AUH: variants seen among roughly 807,000 people sequenced by gnomAD.
The protein encoded by AUH is methylglutaconyl-CoA hydratase, mitochondrial.
In AUH, 29 loss-of-function variants were observed where a neutral mutation model predicts 42.3. That is an observed-to-expected ratio of 0.69 (90% CI 0.51 to 0.93). The LOEUF is 0.93. AUH is among the 40% of genes least tolerant of loss of function. AUH has a pLI of 0.00. For synonymous variants in AUH, 174 were observed against 166.4 expected (o/e 1.05, Z -0.35); for missense variants, 452 against 438.1 (o/e 1.03, Z -0.28).
intron 3 of AUH, among the ~76,000 whole-genome samples, chr9:91,350,750 T>C (rs1587918815): frequency 6.9e-6 from 1 of 144,524 alleles, no homozygotes; most frequent in East Asian, 2.3e-4. Flanking sequence ...CAGAACATGA[T>C]TTCATCTCAA....
At chr9:91,222,927 G>C (rs186414993) in intron 6 of AUH, among the ~76,000 whole-genome samples, 124 of 152,180 alleles carry the variant, frequency 8.1e-4, no homozygotes, top group Non-Finnish European at 1.5e-3. Context: ...TCCAAGTCCC[G>C]GAAGCTCAAA....
Position 91,294,471 on chromosome 9 carries a change from C to A in AUH, c.655+1550G>T, listed in dbSNP as rs574097127. On this transcript the variant is annotated intron_variant, in intron 6 of 9. Coordinates refer to ENST00000375731, the MANE Select transcript of AUH (RefSeq NM_001698.3). ...GCTGAGGCAGGAGAATCCCTTGAAC[C>A]GGGGAGGCAGGGGTTGCAGTGAGCC... is the stretch of plus-strand genomic sequence containing the variant. Among the ~76,000 whole-genome samples the A allele has an allele frequency of 2.0e-5, 3 of 152,186 alleles. No homozygotes were observed. In the South Asian group the frequency reaches 6.2e-4, roughly 32 times the overall value.
chr9:91,356,038 CAAT>C (rs1328114286), intron 2 of AUH, 47 bp downstream of exon 2: 1 of 1,591,480 alleles, frequency 6.3e-7, no homozygotes, highest in Non-Finnish European at 8.6e-7. Flanking sequence ...ACATTGATGA[CAAT>C]AATATATCTT....
intron 6 of AUH, among the ~76,000 whole-genome samples, chr9:91,226,966 A>G (rs1243851872): frequency 6.7e-6 from 1 of 149,270 alleles, no homozygotes; most frequent in Non-Finnish European, 1.5e-5. Context: ...CTTGTAGTAT[A>G]GTTTGAAGTC....
chr9:91,270,607 G>C (rs1019121258), intron 6 of AUH, among the ~76,000 whole-genome samples: 5 of 151,974 alleles, frequency 3.3e-5, no homozygotes, highest in Non-Finnish European at 7.4e-5. Flanking sequence ...CCCTTGTAGA[G>C]CAAAAAGGGA....
chr9:91,346,164 C>A (rs1191987256), intron 3 of AUH, among the ~76,000 whole-genome samples: 1 of 152,036 alleles, frequency 6.6e-6, no homozygotes, highest in Non-Finnish European at 1.5e-5. Context: ...TCTTAGAGGG[C>A]CCCTAGATAG....
chr9:91,306,081 A>T (rs1025890136), intron 4 of AUH, among the ~76,000 whole-genome samples: 6 of 152,212 alleles, frequency 3.9e-5, no homozygotes, highest in African/African-American at 1.4e-4. Flanking sequence ...GATGCAAAGC[A>T]CCAGTCAGCT....
At chr9:91,229,650 C>T (rs975621015) in intron 6 of AUH, among the ~76,000 whole-genome samples, 5 of 151,862 alleles carry the variant, frequency 3.3e-5, no homozygotes, top group African/African-American at 1.2e-4. Context: ...TTCCTAGTCT[C>T]GATGGTCTTT....
chr9:91,218,438 GA>G (rs1290831625), intron 7 of AUH: 3 of 194,436 alleles, frequency 1.5e-5, no homozygotes, highest in Admixed American at 6.5e-5. Flanking sequence ...AACTGACCAA[GA>G]AAAGGTGCTT....
chr9:91,215,845 T>A (rs947457694), intron 9 of AUH, among the ~76,000 whole-genome samples: 1 of 152,144 alleles, frequency 6.6e-6, no homozygotes, highest in Non-Finnish European at 1.5e-5. Flanking sequence ...CTCTAAGAGT[T>A]TTCTAGATTA....
intron 3 of AUH, among the ~76,000 whole-genome samples, chr9:91,355,514 G>A (rs999821107): frequency 1.7e-4 from 25 of 151,254 alleles, no homozygotes; most frequent in African/African-American, 5.1e-4. Context: ...CGAAGATCAC[G>A]CCACTGCAGC....
chr9:91,238,437 G>A (rs78521931), intron 6 of AUH, among the ~76,000 whole-genome samples: 3,895 of 152,274 alleles, frequency 0.026, 80 homozygotes, highest in East Asian at 0.059. Context: ...AGCTGGAGGA[G>A]GCTGGGAAAT....
intron 6 of AUH, among the ~76,000 whole-genome samples, chr9:91,255,780 G>T (rs936864228): frequency 6.6e-6 from 1 of 151,944 alleles, no homozygotes; most frequent in Non-Finnish European, 1.5e-5. Context: ...TGCTAACTTG[G>T]TACACAGCAA....
chr9:91,290,404 G>C lies in AUH; in HGVS notation c.655+5617C>G, dbSNP rs576357998. 8.5e-5 allele frequency among the ~76,000 whole-genome samples: 13 copies of C among 152,196 alleles called. No homozygotes were observed. The South Asian group carries it at 2.7e-3, about 32-fold the overall frequency. ...TCCTTTAGCCTGGGTGACCAAGCAA[G>C]ACCCTGTCTCCAAACAAAAAAAAGA... On this transcript the variant is annotated intron_variant, in intron 6 of 9. Coordinates refer to ENST00000375731, the MANE Select transcript of AUH (RefSeq NM_001698.3).
chr9:91,325,164 TTAAA>T (rs1271751925), intron 4 of AUH, among the ~76,000 whole-genome samples, 150 bp downstream of exon 4: 1 of 152,130 alleles, frequency 6.6e-6, no homozygotes, highest in Non-Finnish European at 1.5e-5. Flanking sequence ...ATTTTTCAAA[TTAAA>T]TATATTAAGT....
chr9:91,293,612 G>C (rs1337197880), intron 6 of AUH, among the ~76,000 whole-genome samples: 1 of 152,214 alleles, frequency 6.6e-6, no homozygotes, highest in African/African-American at 2.4e-5. Context: ...AGAAAAGTTG[G>C]AAGCTAGCAG....
At chr9:91,237,913 G>A (rs1828284909) in intron 6 of AUH, among the ~76,000 whole-genome samples, 1 of 152,136 alleles carries the variant, frequency 6.6e-6, no homozygotes. Flanking sequence ...GGTATGTTCT[G>A]AATTCTTTTA....
chr9:91,326,449 T>C (rs531949354), intron 3 of AUH, among the ~76,000 whole-genome samples: 2 of 152,180 alleles, frequency 1.3e-5, no homozygotes, highest in South Asian at 2.1e-4. Context: ...TAAATATCCA[T>C]CCATAGGAGA....
At chr9:91,347,867 G>A (rs549056687) in intron 3 of AUH, among the ~76,000 whole-genome samples, 14 of 151,876 alleles carry the variant, frequency 9.2e-5, no homozygotes, top group Middle Eastern at 3.4e-3. Context: ...GTATACATAC[G>A]TAACAAACCT....
Sources: allele counts gnomAD v4.1 joint callset (sites outside exome capture counted in the v4.1 genomes callset), GRCh38; gene constraint gnomAD v4.1.1; transcripts MANE v1.5; gene names NCBI Gene and HGNC (gene_info 2026-07-23, HGNC 2026-07-21).